MALRD1: variants seen among roughly 807,000 people sequenced by gnomAD.
MALRD1 encodes MAM and LDL receptor class A domain containing 1.
A neutral mutation model predicts 242.1 loss-of-function variants in MALRD1; 247 were observed. The observed-to-expected ratio is 1.02, with a 90% confidence interval of 0.92 to 1.13. The LOEUF (loss-of-function observed/expected upper bound fraction) is 1.13. Ranked by LOEUF, MALRD1 falls within the 50% of genes most tolerant of loss-of-function variation. The probability of loss-of-function intolerance (pLI) is 0.00; values close to 1 mark genes in which losing one functional copy is unlikely to be tolerated. For synonymous variants in MALRD1, 995 were observed against 866.6 expected (o/e 1.15, Z -2.60); for missense variants, 2,989 against 2,533.1 (o/e 1.18, Z -3.86).
At chr10:19,268,258 G>A (rs1840049525) in intron 19 of MALRD1, among the ~76,000 whole-genome samples, 1 of 150,814 alleles carries the variant, frequency 6.6e-6, no homozygotes, top group Non-Finnish European at 1.5e-5. Context: ...AAAAAAAAAA[G>A]CACTGCATAG....
At chr10:19,145,230 C>G (rs1338889761) in intron 10 of MALRD1, among the ~76,000 whole-genome samples, 1 of 152,106 alleles carries the variant, frequency 6.6e-6, no homozygotes, top group Non-Finnish European at 1.5e-5. Context: ...AATTTGGTGT[C>G]AAAGCTGTGA....
At chr10:19,496,319 A>G (rs1452877538) in intron 30 of MALRD1, among the ~76,000 whole-genome samples, 2 of 152,248 alleles carry the variant, frequency 1.3e-5, no homozygotes, top group Admixed American at 1.3e-4. Flanking sequence ...AGTTGTACAT[A>G]AAACAATCCT....
At chr10:19,549,146 G>A (rs1835374198) in intron 32 of MALRD1, among the ~76,000 whole-genome samples, 1 of 152,208 alleles carries the variant, frequency 6.6e-6, no homozygotes, top group Non-Finnish European at 1.5e-5. Context: ...GTTTGGCTGA[G>A]AGAGGTGAGG....
chr10:19,206,323 A>T lies in MALRD1; in HGVS notation c.2578+1058A>T, dbSNP rs375072495. Among the ~76,000 whole-genome samples, 35 of 152,264 alleles carry T rather than the reference A, an allele frequency of 2.3e-4. 2 individuals carry two copies. The highest frequency in any genetic ancestry group is 1.4e-3 in the East Asian group (7 of 5,178). On this transcript the variant is annotated intron_variant, in intron 17 of 39. Transcript: ENST00000454679. ...AGTCAGGCCTATTAAACTCAGAATT[A>T]CCATGCATCTCATGAAATTTACACA...
At chr10:19,182,293 A>AT (rs1201839521) in intron 14 of MALRD1, among the ~76,000 whole-genome samples, 3 of 142,674 alleles carry the variant, frequency 2.1e-5, no homozygotes, top group Middle Eastern at 3.7e-3. Flanking sequence ...TTAGAATTCC[A>AT]TTTTAAACAC....
intron 33 of MALRD1, among the ~76,000 whole-genome samples, chr10:19,592,546 G>A (rs1837851478): frequency 6.6e-6 from 1 of 152,176 alleles, no homozygotes; most frequent in Admixed American, 6.5e-5. Context: ...AGAAAGCTGG[G>A]CAGTACAAGC....
At chr10:19,466,737 T>C (rs562768277) in intron 29 of MALRD1, among the ~76,000 whole-genome samples, 1 of 152,312 alleles carries the variant, frequency 6.6e-6, no homozygotes, top group South Asian at 2.1e-4. Context: ...TATTTGCATT[T>C]ACATGAAATA....
intron 36 of MALRD1, among the ~76,000 whole-genome samples, chr10:19,690,372 C>T (rs150882518): frequency 1.0e-3 from 155 of 151,988 alleles, no homozygotes; most frequent in Non-Finnish European, 2.0e-3. Context: ...CCATAGCTAT[C>T]GGAAGGAAGA....
intron 13 of MALRD1, among the ~76,000 whole-genome samples, chr10:19,173,397 A>C (rs1023040806): frequency 3.1e-4 from 47 of 152,266 alleles, no homozygotes; most frequent in African/African-American, 1.1e-3. Context: ...CAAAACCAGC[A>C]CTGAAATAAA....
At chr10:19,203,325 A>G (rs1374818570) in intron 14 of MALRD1, among the ~76,000 whole-genome samples, 1 of 152,090 alleles carries the variant, frequency 6.6e-6, no homozygotes, top group African/African-American at 2.4e-5. Context: ...ATTGTTTAGA[A>G]GTAGTAGCTT....
chr10:19,073,288 T>C (rs1335293398), intron 2 of MALRD1, among the ~76,000 whole-genome samples: 1 of 152,120 alleles, frequency 6.6e-6, no homozygotes, highest in Non-Finnish European at 1.5e-5. Flanking sequence ...GTATTATAAA[T>C]GTATATTTAT....
At chr10:19,727,067 G>A (rs1835061293) in intron 38 of MALRD1, among the ~76,000 whole-genome samples, 1 of 152,168 alleles carries the variant, frequency 6.6e-6, no homozygotes, top group African/African-American at 2.4e-5. Flanking sequence ...TTGTATACTT[G>A]AAATGGTTAA....
At chr10:19,341,553 C>T (rs530811982) in intron 24 of MALRD1, among the ~76,000 whole-genome samples, 35 of 140,770 alleles carry the variant, frequency 2.5e-4, no homozygotes, top group South Asian at 6.6e-4. Flanking sequence ...TATATACACA[C>T]ACACGTATTT....
At chr10:19,340,757 T>C (rs1843812428) in intron 24 of MALRD1, among the ~76,000 whole-genome samples, 2 of 152,158 alleles carry the variant, frequency 1.3e-5, no homozygotes, top group African/African-American at 4.8e-5. Flanking sequence ...CTGGATGAAA[T>C]GTGCTTCAAA....
intron 20 of MALRD1, among the ~76,000 whole-genome samples, chr10:19,282,614 A>G (rs1840872336): frequency 6.6e-6 from 1 of 152,130 alleles, no homozygotes; most frequent in Non-Finnish European, 1.5e-5. Flanking sequence ...GTTATTGGAA[A>G]CCTCGTTGCT....
chr10:19,676,971 C>T (rs1194777732), intron 36 of MALRD1, among the ~76,000 whole-genome samples: 1 of 152,304 alleles, frequency 6.6e-6, no homozygotes, highest in Non-Finnish European at 1.5e-5. Flanking sequence ...CCAGCTCCAT[C>T]CATGTCCCTG....
intron 21 of MALRD1, among the ~76,000 whole-genome samples, chr10:19,317,336 T>G (rs1263994492): frequency 6.6e-6 from 1 of 151,842 alleles, no homozygotes; most frequent in Admixed American, 6.6e-5. Context: ...GTAATCCCAA[T>G]CATGACAGTT....
intron 4 of MALRD1, among the ~76,000 whole-genome samples, chr10:19,095,659 C>T (rs1836001135): frequency 6.6e-6 from 1 of 152,052 alleles, no homozygotes; most frequent in African/African-American, 2.4e-5. Flanking sequence ...GTCCCTGGGC[C>T]CTGAAGACGT....
chr10:19,078,044 A>C (rs1296757860), intron 2 of MALRD1, among the ~76,000 whole-genome samples: 2 of 151,938 alleles, frequency 1.3e-5, no homozygotes, highest in African/African-American at 4.8e-5. Context: ...AATTCATAAA[A>C]GTTGCTAGCA....
Sources: gnomAD v4.1 joint callset for allele counts (sites outside exome capture counted in the v4.1 genomes callset) on GRCh38, gnomAD v4.1.1 for gene constraint, MANE v1.5 for transcripts, NCBI Gene and HGNC (gene_info 2026-07-23, HGNC 2026-07-21) for gene names.